The following ACMSD variants were observed in gnomAD, a reference collection of about 807,000 sequenced individuals.
ACMSD encodes the protein aminocarboxymuconate semialdehyde decarboxylase.
A neutral mutation model predicts 45.9 loss-of-function variants in ACMSD; 37 were observed. The observed-to-expected ratio is 0.81, with a 90% CI of 0.62 to 1.06. ACMSD has a LOEUF of 1.06. Ranked by LOEUF, ACMSD falls within the 50% of genes least tolerant of loss-of-function variation. The pLI, the probability that ACMSD is intolerant of heterozygous loss-of-function variation, is 0.00. For synonymous variants in ACMSD, 138 were observed against 148.8 expected, an observed-to-expected ratio of 0.93 and a Z score of 0.53; for missense variants, 434 against 420.9, an observed-to-expected ratio of 1.03 and a Z score of -0.27.
At chr2:134,856,591 C>T (rs1355447740) in intron 2 of ACMSD, among the ~76,000 whole-genome samples, 1 of 152,176 alleles carries the variant, frequency 6.6e-6, no homozygotes, top group African/African-American at 2.4e-5. Context: ...TGAAGTTGAA[C>T]ATTTTTTCTT....
At chr2:134,847,567 G>A (rs184479883) in intron 2 of ACMSD, among the ~76,000 whole-genome samples, 9 of 152,162 alleles carry the variant, frequency 5.9e-5, no homozygotes, top group South Asian at 2.1e-4. Context: ...CCATCAACTC[G>A]TCATCTACAT....
rs1394161013 is a variant in ACMSD, at chr2:134,872,579, TAC to T, written c.791_792del (p.Thr264ArgfsTer6). On this transcript the variant is annotated frameshift_variant, in exon 8 of 10. Coordinates refer to ENST00000356140, the MANE Select transcript of ACMSD (RefSeq NM_138326.3). LOFTEE classifies it high-confidence loss of function. ...CCCGAAGAAATACCTTGGTTCCTTT[TAC>T]ACAGATGCTTTGGTTCATGATCCTC... Reference protein sequence around the residue: ...MNPKKYLGSFYTDALVHDPLS... With the variant: ...MNPKKYLGSFXTDALVHDPLS... The T allele has an allele frequency of 1.2e-6, 2 of 1,614,042 alleles. No individual in the cohort carries two copies. The highest frequency in any genetic ancestry group is 1.3e-5 in the African/African-American group (1 of 74,930).
chr2:134,897,141 A>C (rs530354084), intron 8 of ACMSD, among the ~76,000 whole-genome samples: 1 of 152,136 alleles, frequency 6.6e-6, no homozygotes, highest in East Asian at 1.9e-4. Context: ...TGGTATGTGA[A>C]TTATATCTCA....
intron 3 of ACMSD, among the ~76,000 whole-genome samples, chr2:134,861,616 G>A (rs1432072451): frequency 6.6e-6 from 1 of 152,172 alleles, no homozygotes; most frequent in Admixed American, 6.5e-5. Flanking sequence ...CTGAATTAAA[G>A]GGGCAGGGAA....
intron 8 of ACMSD, chr2:134,877,666 T>G: frequency 2.5e-5 from 3 of 121,090 alleles, no homozygotes; most frequent in Admixed American, 9.6e-5. Context: ...TGGGGAGAGA[T>G]GGTAATCAAG....
At position 134,872,647 on chromosome 2, in the gene ACMSD, C is replaced by A. The variant is rs1688516587; in HGVS notation, c.849+6C>A. The A allele has an allele frequency of 3.7e-6, 6 of 1,613,992 alleles. No individual in the cohort carries two copies. The South Asian group carries it at 4.4e-5, about 12-fold the overall frequency. ...TAACAGATGTCATAGGAAAGGTAAG[C>A]CCAGTCTGCCACTTGGATGGCTTAT... On this transcript the variant is annotated splice_donor_region_variant and intron_variant, in intron 8 of 9. Transcript: ENST00000356140.
chr2:134,890,679 A>T (rs1455896080), intron 8 of ACMSD, among the ~76,000 whole-genome samples: 1 of 152,028 alleles, frequency 6.6e-6, no homozygotes, highest in Non-Finnish European at 1.5e-5. Context: ...GAGCCATGAC[A>T]TCTCCAACTG....
chr2:134,863,049 TG>T (rs1487805754), intron 4 of ACMSD: 4 of 976,548 alleles, frequency 4.1e-6, no homozygotes, highest in Non-Finnish European at 4.8e-6. Context: ...CCCGACCTCC[TG>T]GGAGGTAGGG....
At position 134,838,712 on chromosome 2, in the gene ACMSD, A is replaced by C. The variant is rs370081851; in HGVS notation, c.30A>C (p.Leu10=). 1.2e-6 allele frequency: 2 copies of C among 1,612,332 alleles called. No homozygotes were observed. Among genetic ancestry groups the C allele is most frequent in the Non-Finnish European group, 1.7e-6 (2 of 1,178,854 alleles). Reference sequence around the variant, plus strand: ...AAATTGACATCCATAGTCATATTCTACCAAAAGAATGGCCAGATCTAAAAA... The same window carrying C: ...AAATTGACATCCATAGTCATATTCTCCCAAAAGAATGGCCAGATCTAAAAA... MKIDIHSHI[L]PKEWPDLKKR... is the part of the protein sequence containing the mutation. The change falls in exon 1 of 10, where the codon CTA becomes CTC. Residue 10 remains leucine (L), a synonymous_variant. Transcript: ENST00000356140.
chr2:134,900,292 C>T (rs1033315729), intron 9 of ACMSD, among the ~76,000 whole-genome samples: 1 of 152,082 alleles, frequency 6.6e-6, no homozygotes, highest in African/African-American at 2.4e-5. Context: ...TTACACTGTC[C>T]TGCTCTCTCC....
rs1686642802 is a variant in ACMSD at position 134,838,665 on chromosome 2, T to A, written c.-18T>A. ...TATCAAAACTTCTTTCCTTGCATGCTTCTCTGATCCTGTGGAGATGAAAAT... is the reference window on the plus strand; with the variant it reads ...TATCAAAACTTCTTTCCTTGCATGCATCTCTGATCCTGTGGAGATGAAAAT... On this transcript the variant is annotated 5_prime_UTR_variant, in exon 1 of 10. Coordinates refer to ENST00000356140, the MANE Select transcript of ACMSD (RefSeq NM_138326.3). 6.2e-7 allele frequency: 1 copy of A among 1,601,756 alleles called. No homozygotes were observed. The highest frequency in any genetic ancestry group is 1.3e-5 in the African/African-American group (1 of 74,484).
At chr2:134,850,641 A>G (rs56383182) in intron 2 of ACMSD, among the ~76,000 whole-genome samples, 77,216 of 151,852 alleles carry the variant, frequency 0.51, 20,555 homozygotes, top group Middle Eastern at 0.82. Flanking sequence ...AATACCTTCA[A>G]ATGTTTTTAA....
chr2:134,875,701 C>A (rs1688699394), intron 8 of ACMSD, among the ~76,000 whole-genome samples: 1 of 152,224 alleles, frequency 6.6e-6, no homozygotes, highest in African/African-American at 2.4e-5. Flanking sequence ...AGAAAATACA[C>A]TTCACTATTT....
intron 9 of ACMSD, among the ~76,000 whole-genome samples, chr2:134,900,632 T>C (rs1244627110): frequency 6.6e-6 from 1 of 152,120 alleles, no homozygotes; most frequent in African/African-American, 2.4e-5. Flanking sequence ...TGTGTAACTG[T>C]GAAGAAAGGA....
intron 8 of ACMSD, 139 bp downstream of exon 8, chr2:134,872,780 G>A (rs1354704345): frequency 1.9e-6 from 2 of 1,041,434 alleles, no homozygotes; most frequent in Non-Finnish European, 2.8e-6. Flanking sequence ...GTGAGGTTTG[G>A]GATTAGGTTT....
At chr2:134,873,032 T>G in intron 8 of ACMSD, 1 of 205,602 alleles carries the variant, frequency 4.9e-6, no homozygotes, top group Non-Finnish European at 1.0e-5. Context: ...GGCTCTACCT[T>G]TCACTAGTTG....
chr2:134,898,289 G>A (rs1690288006), intron 8 of ACMSD, 52 bp from the exon 9 acceptor site: 1 of 1,111,226 alleles, frequency 9.0e-7, no homozygotes, highest in Admixed American at 2.6e-5. Flanking sequence ...GTTTACAGGA[G>A]GCTCTTTCAT....
At position 134,858,085 on chromosome 2, in the gene ACMSD, G is replaced by A. The variant is rs181241432; in HGVS notation, c.103-1176G>A. Among the ~76,000 whole-genome samples, 387 of 152,088 alleles carry A rather than the reference G, an allele frequency of 2.5e-3. 1 individual carries two copies. Among genetic ancestry groups the A allele is most frequent in the African/African-American group, 8.8e-3 (367 of 41,484 alleles). On this transcript the variant is annotated intron_variant, in intron 2 of 9. Transcript: ENST00000356140. ...GTTGAAGAAATATCTGCATTCCCAT[G>A]TTCAATGTAGCATCATTCAAAATAG... is the stretch of plus-strand genomic sequence containing the variant.
chr2:134,839,377 TC>T (rs980672684), intron 1 of ACMSD, among the ~76,000 whole-genome samples: 2 of 152,212 alleles, frequency 1.3e-5, no homozygotes, highest in African/African-American at 4.8e-5. Flanking sequence ...TTTGTGTTTC[TC>T]TAAAGATGGA....
Sources: gnomAD v4.1 joint callset for allele counts (sites outside exome capture counted in the v4.1 genomes callset) on GRCh38, gnomAD v4.1.1 for gene constraint, MANE v1.5 for transcripts, NCBI Gene and HGNC (gene_info 2026-07-23, HGNC 2026-07-21) for gene names.